The following RPTOR variants were observed in gnomAD, a reference collection of about 807,000 sequenced individuals.
RPTOR encodes the protein regulatory-associated protein of mTOR.
A neutral mutation model predicts 169.9 loss-of-function variants in RPTOR; 21 were observed. The observed-to-expected ratio is 0.12, with a 90% CI of 0.09 to 0.18. The LOEUF (loss-of-function observed/expected upper bound fraction) is 0.18, where lower values mean the gene tolerates loss of function less well. RPTOR is among the 10% of genes least tolerant of loss of function. The probability of loss-of-function intolerance (pLI) is 1.00; values close to 1 mark genes in which losing one functional copy is unlikely to be tolerated. For synonymous variants in RPTOR, 732 were observed against 753.2 expected (o/e 0.97, Z 0.46); for missense variants, 1,133 against 1,855.9 (o/e 0.61, Z 7.16).
At chr17:80,711,729 T>C (rs1271525356) in intron 4 of RPTOR, among the ~76,000 whole-genome samples, 2 of 149,256 alleles carry the variant, frequency 1.3e-5, no homozygotes, top group Non-Finnish European at 3.0e-5. Flanking sequence ...AGTTAACATA[T>C]AGTTATACAT....
At position 80,682,116 on chromosome 17, in the gene RPTOR, C is replaced by CG. The variant is rs1567854729; in HGVS notation, c.349-25725_349-25724insG. Among the ~76,000 whole-genome samples the CG allele has an allele frequency of 2.1e-4, 19 of 89,958 alleles. No individual in the cohort carries two copies. In the South Asian group the frequency reaches 2.4e-3, roughly 11 times the overall value. The allele number at this position is 89,958 out of a possible 152,430, so 59.0% of individuals were successfully genotyped here. ...GAAAGATGTGATTAGGTCCCCCCCCCCACCCCAAACAAAGTCTCGCTCTGT... is the reference window on the plus strand; with the variant it reads ...GAAAGATGTGATTAGGTCCCCCCCCCGCACCCCAAACAAAGTCTCGCTCTGT... On this transcript the variant is annotated intron_variant, in intron 3 of 33. Coordinates refer to ENST00000306801, the MANE Select transcript of RPTOR (RefSeq NM_020761.3).
Position 80,744,860 on chromosome 17 carries a change from CACTGT to C in RPTOR, c.655-9149_655-9145del, listed in dbSNP as rs1567889425. ...TTACTAGCACTGTCCTGGCTACTAG[CACTGT>C]CCTGGTTACGAGCACAGCCCTGGCT... On this transcript the variant is annotated intron_variant, in intron 5 of 33. Transcript: ENST00000306801. Among the ~76,000 whole-genome samples, 114 of 109,918 alleles carry C rather than the reference CACTGT, an allele frequency of 1.0e-3. 31 individuals are homozygous for C. The highest frequency in any genetic ancestry group is 3.4e-3 in the African/African-American group (103 of 30,046). 72.1% of individuals were successfully genotyped at this position (109,918 alleles called of 152,430 possible).
rs533517930 is a variant in RPTOR at position 80,965,246 on chromosome 17, C to T, written c.*916C>T. ...GCACACGCATGTGCAGATGGCACCA[C>T]GGCCGGCACCTGGGGGCACACACAT... On this transcript the variant is annotated 3_prime_UTR_variant, in exon 34 of 34. Transcript: ENST00000306801. The T allele has an allele frequency of 2.6e-5, 6 of 233,274 alleles. No individual in the cohort carries two copies. Among genetic ancestry groups the T allele is most frequent in the Non-Finnish European group, 5.1e-5 (6 of 118,098 alleles). The allele number at this position is 233,274 out of a possible 1,614,324, so 14.5% of individuals were successfully genotyped here. A position where few individuals can be genotyped will look rare whatever the true frequency, so the allele number is the denominator to read the frequency against.
chr17:80,935,845 CAAAAA>C (rs1567996708), intron 24 of RPTOR, among the ~76,000 whole-genome samples: 1 of 151,008 alleles, frequency 6.6e-6, no homozygotes, highest in African/African-American at 2.4e-5. Flanking sequence ...AAGTACAAGT[CAAAAA>C]AGAAAAAAAC....
chr17:80,955,238 T>C (rs2069233566), intron 28 of RPTOR, among the ~76,000 whole-genome samples: 1 of 152,214 alleles, frequency 6.6e-6, no homozygotes, highest in Admixed American at 6.5e-5. Flanking sequence ...GAAGCTGCAA[T>C]TGCAGGGCAG....
chr17:80,849,887 C>T lies in RPTOR; in HGVS notation c.1314+3313C>T, dbSNP rs535078312. 1.6e-4 allele frequency among the ~76,000 whole-genome samples: 25 copies of T among 152,324 alleles called. No individual in the cohort carries two copies. In the South Asian group the frequency reaches 2.1e-3, roughly 13 times the overall value. On this transcript the variant is annotated intron_variant, in intron 11 of 33. Coordinates refer to ENST00000306801, the MANE Select transcript of RPTOR (RefSeq NM_020761.3). ...GTGGGGTGCGTTTGCCCTCTGGCTT[C>T]GGCAGCTCGCCCGGAACTCAGTGCT...
chr17:80,610,502 C>A (rs571315863), intron 1 of RPTOR, among the ~76,000 whole-genome samples: 1 of 152,164 alleles, frequency 6.6e-6, no homozygotes, highest in East Asian at 1.9e-4. Context: ...GTGCAGGGGG[C>A]GTTTATGAAC....
intron 3 of RPTOR, among the ~76,000 whole-genome samples, chr17:80,649,249 G>A (rs1394622003): frequency 1.3e-5 from 2 of 152,218 alleles, no homozygotes; most frequent in African/African-American, 4.8e-5. Context: ...GTTACTCGCT[G>A]TGACTCCTGC....
At chr17:80,872,730 A>C (rs903826106) in intron 13 of RPTOR, among the ~76,000 whole-genome samples, 3 of 152,218 alleles carry the variant, frequency 2.0e-5, no homozygotes, top group Non-Finnish European at 4.4e-5. Context: ...ACCCAGGCAG[A>C]CTAGACCGAG....
intron 13 of RPTOR, among the ~76,000 whole-genome samples, chr17:80,879,917 C>G (rs895164614): frequency 1.3e-5 from 2 of 152,242 alleles, no homozygotes; most frequent in Non-Finnish European, 2.9e-5. Context: ...AGCACCTGCT[C>G]AAGTGGGACT....
chr17:80,896,461 G>A (rs1327444469), intron 20 of RPTOR, among the ~76,000 whole-genome samples: 9 of 14,094 alleles, frequency 6.4e-4, no homozygotes, highest in African/African-American at 1.2e-3. Context: ...CACCCCACAC[G>A]GCCGCACCGA....
At chr17:80,742,761 G>A (rs764193016) in intron 5 of RPTOR, among the ~76,000 whole-genome samples, 1 of 151,642 alleles carries the variant, frequency 6.6e-6, no homozygotes, top group African/African-American at 2.4e-5. Flanking sequence ...TGCACATATA[G>A]ACACGCACAT....
chr17:80,670,219 G>A (rs998567211), intron 3 of RPTOR, among the ~76,000 whole-genome samples: 3 of 152,120 alleles, frequency 2.0e-5, no homozygotes, highest in Admixed American at 6.5e-5. Context: ...TCTCATTTCC[G>A]ACCATAATAC....
At chr17:80,773,924 C>T (rs1457257734) in intron 6 of RPTOR, 1 of 985,332 alleles carries the variant, frequency 1.0e-6, no homozygotes, top group East Asian at 1.1e-4. Flanking sequence ...GGTGGACACG[C>T]AGGGCTATGC....
chr17:80,889,028 TC>T (rs2068283632), intron 17 of RPTOR, among the ~76,000 whole-genome samples: 1 of 152,090 alleles, frequency 6.6e-6, no homozygotes, highest in African/African-American at 2.4e-5. Flanking sequence ...TCGTTCGTGA[TC>T]AGAGGCCTGG....
At chr17:80,872,924 G>C (rs1037042772) in intron 13 of RPTOR, among the ~76,000 whole-genome samples, 2 of 152,222 alleles carry the variant, frequency 1.3e-5, no homozygotes, top group Admixed American at 6.5e-5. Context: ...AGCTCAGCCT[G>C]CTGGGTGTGA....
rs1204515331 is a variant in RPTOR at position 80,844,111 on chromosome 17, C to CA, written c.1213-2361dup. 5.9e-5 allele frequency among the ~76,000 whole-genome samples: 9 copies of CA among 152,286 alleles called. No individual in the cohort carries two copies. The highest frequency in any genetic ancestry group is 7.4e-5 in the Non-Finnish European group (5 of 68,024). ...ATCTCAGAGATTTGGCCCAAAACAT[C>CA]AGCCCTGTGAATCATGGGTGGAGAC... is the stretch of plus-strand genomic sequence containing the variant. On this transcript the variant is annotated intron_variant, in intron 10 of 33. Coordinates refer to ENST00000306801, the MANE Select transcript of RPTOR (RefSeq NM_020761.3). The surrounding 1 kb of genome is among the most constrained non-coding windows in gnomAD (Gnocchi z 4.7).
chr17:80,667,022 G>A (rs1485330), intron 3 of RPTOR, among the ~76,000 whole-genome samples: 27,013 of 152,112 alleles, frequency 0.18, 2,843 homozygotes, highest in East Asian at 0.24. Flanking sequence ...ATTCTGTGTG[G>A]TTAGGACACT....
intron 1 of RPTOR, among the ~76,000 whole-genome samples, chr17:80,599,847 G>C (rs1391750674): frequency 6.6e-6 from 1 of 152,182 alleles, no homozygotes; most frequent in Non-Finnish European, 1.5e-5. Flanking sequence ...TGGGAAAGAG[G>C]AAAGTATGTG....
Sources: allele counts gnomAD v4.1 joint callset (sites outside exome capture counted in the v4.1 genomes callset), GRCh38; gene constraint gnomAD v4.1.1; non-coding constraint Gnocchi (gnomAD v3.1); transcripts MANE v1.5; gene names NCBI Gene and HGNC (gene_info 2026-07-23, HGNC 2026-07-21).